Variants in REPS2 observed in about 807,000 individuals in gnomAD.
The protein encoded by REPS2 is RALBP1 associated Eps domain containing 2.
In REPS2, 23 loss-of-function variants were observed where a neutral mutation model predicts 53.6. The ratio of observed to expected loss-of-function variants is 0.43; its 90% confidence interval spans 0.31 to 0.61. REPS2 has a LOEUF of 0.61. Ranked by LOEUF, REPS2 falls within the 20% of genes least tolerant of loss-of-function variation. The pLI, the probability that REPS2 is intolerant of heterozygous loss-of-function variation, is 0.11. For missense variants in REPS2, 446 were observed against 534.9 expected (o/e 0.83, Z 1.64); for synonymous variants, 238 against 218.6 (o/e 1.09, Z -0.78).
chrX:16,977,705 G>A (rs2060972613), intron 1 of REPS2, among the ~76,000 whole-genome samples: 1 of 71,413 alleles, frequency 1.4e-5, no homozygotes, highest in African/African-American at 5.7e-5. Context: ...AACAGAGCAA[G>A]ACCCTGTCTC....
chrX:16,952,790 T>A (rs192421522), intron 1 of REPS2, among the ~76,000 whole-genome samples: 1 of 111,947 alleles, frequency 8.9e-6, no homozygotes, highest in African/African-American at 3.2e-5. Flanking sequence ...TCATATCATT[T>A]TGTAACTATA....
rs753927831 is a variant in REPS2, at chrX:17,062,529, G to A, written c.1206G>A (p.Met402Ile). 2 of 1,178,583 alleles carry A rather than the reference G, an allele frequency of 1.7e-6. No individual in the cohort carries two copies. The highest frequency in any genetic ancestry group is 1.8e-5 in the South Asian group (1 of 54,260). Residue 402 changes from methionine (M) to isoleucine (I), a missense_variant, in exon 9 of 18, where the codon ATG (methionine) becomes ATA (isoleucine). Met to Ile is a conservative substitution (Grantham distance 10). Transcript: ENST00000357277. The stretch of plus-strand genomic sequence containing the variant: ...AACAACCTCGTGACTTGAATCGGAT[G>A]GAGGTAAAAGATCTTCATATGCTAA... ...ANQQPRDLNRMEKTSVKDMAD... is the reference protein window; with the variant it reads ...ANQQPRDLNRIEKTSVKDMAD...
At chrX:16,968,973 G>A (rs1287323357) in intron 1 of REPS2, among the ~76,000 whole-genome samples, 1 of 110,585 alleles carries the variant, frequency 9.0e-6, no homozygotes, top group Non-Finnish European at 1.9e-5. Flanking sequence ...CTCAGACGGG[G>A]CGGCTGCTGG....
At position 17,043,515 on chromosome X, in the gene REPS2, C is replaced by T. The variant is rs927342066; in HGVS notation, c.772-3832C>T. ...CTGCAGCCTTTCTTGCCCCCCCCCC[C>T]GGCTTTGTGTCCTTTCTGTACCTAC... On this transcript the variant is annotated intron_variant, in intron 5 of 17. Transcript: ENST00000357277. 1.5e-3 allele frequency among the ~76,000 whole-genome samples: 134 copies of T among 90,525 alleles called. 1 individual carries two copies. Among genetic ancestry groups the T allele is most frequent in the African/African-American group, 4.9e-3 (125 of 25,327 alleles). 78.6% of individuals were successfully genotyped at this position (90,525 alleles called of 115,157 possible).
At position 17,005,411 on chromosome X, in the gene REPS2, C is replaced by A. The variant is rs141520094; in HGVS notation, c.274-810C>A. Among the ~76,000 whole-genome samples, 551 of 111,751 alleles carry A rather than the reference C, an allele frequency of 4.9e-3. 5 individuals are homozygous for A. Among genetic ancestry groups the A allele is most frequent in the African/African-American group, 0.016 (505 of 30,728 alleles). On this transcript the variant is annotated intron_variant, in intron 1 of 17. Transcript: ENST00000357277. ...TATTGAACCCTCATGAACCCACTACCAAACTTCAACAATTACTAACTCTTG... is the reference window on the plus strand; with the variant it reads ...TATTGAACCCTCATGAACCCACTACAAAACTTCAACAATTACTAACTCTTG...
At chrX:17,158,334 T>A in the REPS2 span, among the ~76,000 whole-genome samples, 1 of 111,585 alleles carries the variant, frequency 9.0e-6, no homozygotes. Context: ...GTATATTTTT[T>A]AAAAAAAGCC....
intron 7 of REPS2, 126 bp from the exon 8 acceptor site, chrX:17,054,682 C>T: frequency 1.5e-6 from 1 of 671,683 alleles, no homozygotes; most frequent in Non-Finnish European, 2.2e-6. Context: ...ATGGATTTGG[C>T]TAGGAGGGTT....
intron 1 of REPS2, among the ~76,000 whole-genome samples, chrX:16,980,667 A>G (rs1349330242): frequency 8.9e-6 from 1 of 112,152 alleles, no homozygotes; most frequent in Non-Finnish European, 1.9e-5. Context: ...ACAAATTAGC[A>G]TTTTATAATA....
the REPS2 span, among the ~76,000 whole-genome samples, chrX:17,164,167 C>T: frequency 9.0e-6 from 1 of 111,631 alleles, no homozygotes; most frequent in Non-Finnish European, 1.9e-5. Context: ...ATGTAAGTTA[C>T]AATACCCAGG....
rs200635650 is a variant in REPS2 at position 17,025,339 on chromosome X, G to GT, written c.673+163dup. Among the ~76,000 whole-genome samples, 422 of 111,108 alleles carry GT rather than the reference G, an allele frequency of 3.8e-3. 1 individual carries two copies. Among genetic ancestry groups the GT allele is most frequent in the African/African-American group, 0.012 (377 of 30,585 alleles). On this transcript the variant is annotated intron_variant, in intron 4 of 17. Coordinates refer to ENST00000357277, the MANE Select transcript of REPS2 (RefSeq NM_004726.3). ...ATTTAATTTTATATTCTCAAGCAAGGTTTTTTTTTAAAAATTGATTTAAAC... is the reference window on the plus strand; with the variant it reads ...ATTTAATTTTATATTCTCAAGCAAGGTTTTTTTTTTAAAAATTGATTTAAAC...
chrX:16,965,354 G>A (rs1602526948), intron 1 of REPS2, among the ~76,000 whole-genome samples: 2 of 112,651 alleles, frequency 1.8e-5, no homozygotes, highest in African/African-American at 3.2e-5. Flanking sequence ...GCGGCTGGCC[G>A]GGCGGGGGGC....
chrX:17,114,362 G>A (rs1337183481), intron 14 of REPS2, among the ~76,000 whole-genome samples: 1 of 111,776 alleles, frequency 8.9e-6, no homozygotes, highest in African/African-American at 3.3e-5. Context: ...TATTTTGGGA[G>A]ATGATGTATG....
chrX:17,127,718 A>T (rs1023739872), intron 14 of REPS2, among the ~76,000 whole-genome samples: 7 of 111,655 alleles, frequency 6.3e-5, no homozygotes, highest in Non-Finnish European at 9.4e-5. Context: ...ATATATCAGG[A>T]TGCCTTTTTG....
intron 8 of REPS2, among the ~76,000 whole-genome samples, chrX:17,058,322 G>A (rs959637839): frequency 6.4e-5 from 7 of 109,301 alleles, no homozygotes; most frequent in Non-Finnish European, 9.5e-5. Flanking sequence ...ATGTGGTGGC[G>A]CACACCTGTA....
intron 13 of REPS2, among the ~76,000 whole-genome samples, chrX:17,094,198 T>A (rs1223338931): frequency 1.8e-5 from 2 of 112,277 alleles, no homozygotes; most frequent in African/African-American, 3.2e-5. Context: ...AATTATATCA[T>A]CATGCAGGCT....
intron 1 of REPS2, among the ~76,000 whole-genome samples, chrX:16,984,946 C>A (rs766405471): frequency 1.8e-5 from 2 of 111,546 alleles, no homozygotes; most frequent in African/African-American, 6.5e-5. Flanking sequence ...ATGGTAGATG[C>A]AAGGACTGTG....
chrX:17,181,174 C>A, the REPS2 span, among the ~76,000 whole-genome samples: 1 of 112,627 alleles, frequency 8.9e-6, no homozygotes, highest in South Asian at 3.7e-4. Flanking sequence ...TCCCTCACCC[C>A]CCTAGGGGGA....
At chrX:16,984,973 T>A in intron 1 of REPS2, among the ~76,000 whole-genome samples, 1 of 112,001 alleles carries the variant, frequency 8.9e-6, no homozygotes, top group Non-Finnish European at 1.9e-5. Flanking sequence ...CCACGGAGAC[T>A]TCTTTCAGGA....
At chrX:17,113,572 G>A (rs953556145) in intron 14 of REPS2, among the ~76,000 whole-genome samples, 3 of 111,232 alleles carry the variant, frequency 2.7e-5, no homozygotes, top group African/African-American at 9.8e-5. Context: ...ATTCTGTTTC[G>A]GACCAACCTG....
Sources: allele counts gnomAD v4.1 joint callset (sites outside exome capture counted in the v4.1 genomes callset), GRCh38; gene constraint gnomAD v4.1.1; transcripts MANE v1.5; gene names NCBI Gene and HGNC (gene_info 2026-07-23, HGNC 2026-07-21).